The following GRM5 variants were observed in gnomAD, a reference collection of about 807,000 sequenced individuals.
GRM5 encodes metabotropic glutamate receptor 5.
In GRM5, 19 loss-of-function variants were observed where a neutral mutation model predicts 83.1. That is an observed-to-expected ratio of 0.23 (90% CI 0.16 to 0.34). The LOEUF (loss-of-function observed/expected upper bound fraction) is 0.34. GRM5 is among the 10% of genes least tolerant of loss of function. The probability of loss-of-function intolerance (pLI) is 1.00; values close to 1 mark genes in which losing one functional copy is unlikely to be tolerated. For missense variants in GRM5, 1,160 were observed against 1,588.3 expected (o/e 0.73, Z 4.58); for synonymous variants, 675 against 633.6 (o/e 1.07, Z -0.98).
intron 2 of GRM5, among the ~76,000 whole-genome samples, chr11:88,928,635 G>A (rs1945833267): frequency 6.6e-6 from 1 of 151,706 alleles, no homozygotes; most frequent in Non-Finnish European, 1.5e-5. Flanking sequence ...CTGATAAAAT[G>A]ACAATTATAA....
intron 3 of GRM5, among the ~76,000 whole-genome samples, chr11:88,792,208 G>C (rs908152298): frequency 6.6e-6 from 1 of 152,042 alleles, no homozygotes; most frequent in South Asian, 2.1e-4. Context: ...TTTCTTAGTA[G>C]GGGCCTGAAA....
intron 2 of GRM5, among the ~76,000 whole-genome samples, chr11:88,954,751 T>G (rs943313537): frequency 4.6e-5 from 7 of 152,206 alleles, no homozygotes; most frequent in Admixed American, 2.0e-4. Context: ...TGTTCTGTCC[T>G]GTAATCACCT....
intron 2 of GRM5, among the ~76,000 whole-genome samples, chr11:88,998,303 A>G (rs913294657): frequency 2.0e-5 from 3 of 152,190 alleles, no homozygotes; most frequent in South Asian, 2.1e-4. Flanking sequence ...AAATCAATCA[A>G]TGTAATATAC....
At chr11:88,992,757 T>C (rs746044675) in intron 2 of GRM5, among the ~76,000 whole-genome samples, 58 of 150,926 alleles carry the variant, frequency 3.8e-4, no homozygotes, top group Non-Finnish European at 6.3e-4. Flanking sequence ...CTCAGCAAAC[T>C]ATCGCAAGGA....
intron 2 of GRM5, among the ~76,000 whole-genome samples, chr11:88,923,284 A>T (rs1282369022): frequency 6.6e-6 from 1 of 152,162 alleles, no homozygotes; most frequent in Non-Finnish European, 1.5e-5. Flanking sequence ...AATAACCAAG[A>T]TTTGTAAGCA....
At chr11:88,908,766 T>C (rs1368917224) in intron 2 of GRM5, among the ~76,000 whole-genome samples, 3 of 152,156 alleles carry the variant, frequency 2.0e-5, no homozygotes, top group Admixed American at 6.6e-5. Flanking sequence ...CCTTTTAATA[T>C]CTCAGTTCAA....
At position 88,965,983 on chromosome 11, in the gene GRM5, T is replaced by A. The variant is rs191586414; in HGVS notation, c.661+81229A>T. 6.6e-5 allele frequency among the ~76,000 whole-genome samples: 10 copies of A among 152,254 alleles called. No individual in the cohort carries two copies. In the East Asian group the frequency reaches 1.9e-3, roughly 29 times the overall value. On this transcript the variant is annotated intron_variant, in intron 2 of 9. Transcript: ENST00000305447. ...TCAAGCATACATGAAACTTTCATCA[T>A]GACAGAACACAGAATAGGAAATTCA...
At chr11:88,806,997 A>G (rs760017214) in intron 3 of GRM5, among the ~76,000 whole-genome samples, 3 of 152,142 alleles carry the variant, frequency 2.0e-5, no homozygotes, top group Admixed American at 1.3e-4. Flanking sequence ...GTCTTCCCTA[A>G]CTTGCCCAGG....
intron 4 of GRM5, among the ~76,000 whole-genome samples, chr11:88,642,310 G>C (rs1939316935): frequency 6.6e-6 from 1 of 152,128 alleles, no homozygotes; most frequent in South Asian, 2.1e-4. Flanking sequence ...TCCTGGACCA[G>C]GCCCACAAAA....
rs181089089 is a variant in GRM5 at position 88,936,638 on chromosome 11, T to A, written c.662-86483A>T. On this transcript the variant is annotated intron_variant, in intron 2 of 9. Coordinates refer to ENST00000305447, the MANE Select transcript of GRM5 (RefSeq NM_001143831.3). ...AAATACTTGATATGAAGGATGGAAA[T>A]ATTAATTGGATAAAAAGCTAAGTTT... is the stretch of plus-strand genomic sequence containing the variant. Among the ~76,000 whole-genome samples the A allele has an allele frequency of 8.2e-3, 1,244 of 151,904 alleles. 5 individuals carry two copies. Among genetic ancestry groups the A allele is most frequent in the South Asian group, 0.019 (90 of 4,824 alleles).
At chr11:88,854,522 T>C (rs1262907815) in intron 2 of GRM5, among the ~76,000 whole-genome samples, 2 of 151,998 alleles carry the variant, frequency 1.3e-5, no homozygotes, top group Admixed American at 1.3e-4. Flanking sequence ...TCAGCTGGGA[T>C]CTGGAAGTAT....
rs183381295 is a variant in GRM5 at position 89,026,959 on chromosome 11, C to G, written c.661+20253G>C. Among the ~76,000 whole-genome samples the G allele has an allele frequency of 3.0e-3, 460 of 152,238 alleles. 1 individual carries two copies. Among genetic ancestry groups the G allele is most frequent in the Admixed American group, 6.5e-3 (100 of 15,288 alleles). Reference sequence around the variant, plus strand: ...AATGGTCAAATGATTGCACATGGGACAGAAGAAAAAGGGCTTCATCCCATC... The same window carrying G: ...AATGGTCAAATGATTGCACATGGGAGAGAAGAAAAAGGGCTTCATCCCATC... On this transcript the variant is annotated intron_variant, in intron 2 of 9. Coordinates refer to ENST00000305447, the MANE Select transcript of GRM5 (RefSeq NM_001143831.3).
rs138963136 is a variant in GRM5, at chr11:88,528,545, A to C, written c.2631-3141T>G. ...TGGAATTGTCAATTAAAAATAGTTT[A>C]AGCTTTTCAGAATTTACAGATCATG... On this transcript the variant is annotated intron_variant, in intron 8 of 9. Transcript: ENST00000305447. Among the ~76,000 whole-genome samples, 12 of 152,132 alleles carry C rather than the reference A, an allele frequency of 7.9e-5. No individual in the cohort carries two copies. In the East Asian group the frequency reaches 2.3e-3, roughly 29 times the overall value.
chr11:88,662,838 A>G (rs891808372), intron 3 of GRM5, among the ~76,000 whole-genome samples: 1 of 152,134 alleles, frequency 6.6e-6, no homozygotes, highest in African/African-American at 2.4e-5. Context: ...ACACCCACAG[A>G]CCACCAAATT....
At chr11:88,663,306 G>C (rs1939953592) in intron 3 of GRM5, among the ~76,000 whole-genome samples, 1 of 152,060 alleles carries the variant, frequency 6.6e-6, no homozygotes, top group African/African-American at 2.4e-5. Context: ...TATCTCCTCT[G>C]GTTTAATGTC....
chr11:88,698,880 A>G (rs1213363458), intron 3 of GRM5, among the ~76,000 whole-genome samples: 4 of 152,222 alleles, frequency 2.6e-5, no homozygotes. Flanking sequence ...AGTAGAAATT[A>G]TGAATGTATG....
chr11:88,540,810 G>C (rs183943358), intron 8 of GRM5, among the ~76,000 whole-genome samples: 47 of 152,100 alleles, frequency 3.1e-4, no homozygotes, highest in Non-Finnish European at 5.4e-4. Flanking sequence ...GCGTGATCGT[G>C]ATCTCAGCTC....
intron 2 of GRM5, among the ~76,000 whole-genome samples, chr11:88,988,862 G>A (rs1394603611): frequency 1.4e-5 from 2 of 146,406 alleles, no homozygotes; most frequent in Non-Finnish European, 3.0e-5. Flanking sequence ...TGAAGGAAGT[G>A]CTAAACATGG....
intron 2 of GRM5, among the ~76,000 whole-genome samples, chr11:88,915,186 AAGG>A (rs747913502): frequency 3.3e-5 from 5 of 152,108 alleles, no homozygotes; most frequent in Non-Finnish European, 2.9e-5. Flanking sequence ...AAATTCAGTG[AAGG>A]AGGAGGACAG....
Sources: allele counts gnomAD v4.1 joint callset (sites outside exome capture counted in the v4.1 genomes callset), GRCh38; gene constraint gnomAD v4.1.1; transcripts MANE v1.5; gene names NCBI Gene and HGNC (gene_info 2026-07-23, HGNC 2026-07-21).